The following LLGL2 variants were observed in gnomAD, a reference collection of about 807,000 sequenced individuals.
LLGL2 encodes LLGL scribble cell polarity complex component 2, also known as LLGL2, scribble cell polarity complex component.
LLGL2 carries 81 observed loss-of-function variants against 123.2 expected under a neutral mutation model. That is an observed-to-expected ratio of 0.66 (90% CI 0.55 to 0.79). LLGL2 has a LOEUF of 0.79. Ranked by LOEUF, LLGL2 falls within the 30% of genes least tolerant of loss-of-function variation. The probability of loss-of-function intolerance (pLI) is 0.00; values close to 1 mark genes in which losing one functional copy is unlikely to be tolerated. For synonymous variants in LLGL2, 577 were observed against 594.1 expected, an observed-to-expected ratio of 0.97 and a Z score of 0.42; for missense variants, 1,273 against 1,414.6, an observed-to-expected ratio of 0.90 and a Z score of 1.61.
rs1598573363 is a variant in LLGL2, at chr17:75,552,642, AAT to A, written c.76-3403_76-3402del. Among the ~76,000 whole-genome samples, 3 of 152,334 alleles carry A rather than the reference AAT, an allele frequency of 2.0e-5. No homozygotes were observed. In the East Asian group the frequency reaches 5.8e-4, roughly 29 times the overall value. On this transcript the variant is annotated intron_variant, in intron 2 of 25. Transcript: ENST00000392550. ...ACGGCACATCTCAGTTCAGACATTA[AAT>A]CTTTTTTGGAAGTACTAGATCTGTA...
At chr17:75,554,746 G>A (rs920071269) in intron 2 of LLGL2, among the ~76,000 whole-genome samples, 3 of 149,104 alleles carry the variant, frequency 2.0e-5, no homozygotes, top group South Asian at 2.1e-4. Flanking sequence ...AAAATTAGCC[G>A]GGCGTGGTGG....
chr17:75,530,604 C>T (rs1027778524), intron 1 of LLGL2, among the ~76,000 whole-genome samples: 14 of 148,886 alleles, frequency 9.4e-5, no homozygotes, highest in Non-Finnish European at 2.1e-4. Flanking sequence ...GAGCCGAGAT[C>T]GCGCCACTGC....
rs35452644 is a variant in LLGL2, at chr17:75,530,649, CAA to C, written c.-31+4840_-31+4841del. 8.2e-3 allele frequency among the ~76,000 whole-genome samples: 1,127 copies of C among 137,246 alleles called. 11 individuals carry two copies. The highest frequency in any genetic ancestry group is 0.026 in the South Asian group (113 of 4,380). The allele number at this position is 137,246 out of a possible 152,430, so 90.0% of individuals were successfully genotyped here. A position where few individuals can be genotyped will look rare whatever the true frequency, so the allele number is the denominator to read the frequency against. ...TGGGCGACAGAGCGAGACTCCATTT[CAA>C]AAAAAAAAAAAAAAATTAGCTGGGC... On this transcript the variant is annotated intron_variant, in intron 1 of 25. Coordinates refer to ENST00000392550, the MANE Select transcript of LLGL2 (RefSeq NM_001031803.2).
In LLGL2 at chr17:75,525,933, G is replaced by A. The variant is rs976766485; in HGVS notation, c.-31+108G>A. ...ACCCCTGGGCTGTCGGGCCAGGGCG[G>A]GAGGGCTGCGCCCAGGTCCGCGCGC... is the stretch of plus-strand genomic sequence containing the variant. On this transcript the variant is annotated intron_variant, in intron 1 of 25. Transcript: ENST00000392550. The surrounding 1 kb of genome is among the most constrained non-coding windows in gnomAD (Gnocchi z 4.8). 45 of 152,272 alleles carry A rather than the reference G, an allele frequency of 3.0e-4. No individual in the cohort carries two copies. Among genetic ancestry groups the A allele is most frequent in the African/African-American group, 1.1e-3 (44 of 41,558 alleles). The allele number at this position is 152,272 out of a possible 1,614,324, so 9.4% of individuals were successfully genotyped here.
chr17:75,570,920 C>G (rs1203924344), intron 16 of LLGL2, 30 bp from the exon 17 acceptor site: 1 of 1,581,700 alleles, frequency 6.3e-7, no homozygotes, highest in South Asian at 1.2e-5. Context: ...GAGTCCAGAG[C>G]TGACCCTTAG....
At chr17:75,568,887 G>A (rs77637305) in intron 12 of LLGL2, 48 bp downstream of exon 12, 126,006 of 1,563,366 alleles carry the variant, frequency 0.081, 5,376 homozygotes, top group Middle Eastern at 0.17. Flanking sequence ...GGATATGTGG[G>A]GTGGGAGCAG....
intron 24 of LLGL2, 21 bp from the exon 25 acceptor site, chr17:75,574,588 TC>T: frequency 6.2e-7 from 1 of 1,611,324 alleles, no homozygotes; most frequent in South Asian, 1.1e-5. Context: ...AGGCCATGAC[TC>T]CCCTGTCTTT....
chr17:75,554,888 CA>C (rs566780078), intron 2 of LLGL2, among the ~76,000 whole-genome samples: 312 of 131,906 alleles, frequency 2.4e-3, no homozygotes, highest in African/African-American at 5.8e-3. Flanking sequence ...GACTCCGTCT[CA>C]AAAAAAAAAA....
At chr17:75,529,500 C>T (rs112017789) in intron 1 of LLGL2, among the ~76,000 whole-genome samples, 62 of 152,146 alleles carry the variant, frequency 4.1e-4, no homozygotes, top group African/African-American at 1.4e-3. Context: ...CCACTGCACC[C>T]GGCCCCTGCC....
chr17:75,564,296 G>A lies in LLGL2; in HGVS notation c.882-57G>A. ...GTGGTGACTTTGATTGCCGGCCTGT[G>A]GCTGTTGAGGCTGTGCCAGGAGCCC... On this transcript the variant is annotated intron_variant, in intron 9 of 25. Transcript: ENST00000392550. The surrounding 1 kb of genome is among the most constrained non-coding windows in gnomAD (Gnocchi z 4.9). 2 of 1,553,188 alleles carry A rather than the reference G, an allele frequency of 1.3e-6. No individual in the cohort carries two copies. Among genetic ancestry groups the A allele is most frequent in the Admixed American group, 1.8e-5 (1 of 56,600 alleles).
At position 75,542,297 on chromosome 17, in the gene LLGL2, C is replaced by T. The variant is rs369146215; in HGVS notation, c.-30-1100C>T. ...TCGGGCCAGGTGTTCCCTCTCCCTC[C>T]TGCAGTCAAAGCACTCAACACTGGG... is the stretch of plus-strand genomic sequence containing the variant. On this transcript the variant is annotated intron_variant, in intron 1 of 25. Coordinates refer to ENST00000392550, the MANE Select transcript of LLGL2 (RefSeq NM_001031803.2). 3.3e-5 allele frequency among the ~76,000 whole-genome samples: 5 copies of T among 152,206 alleles called. No homozygotes were observed. The East Asian group carries it at 5.8e-4, about 18-fold the overall frequency.
At chr17:75,533,862 CA>C (rs2053903900) in intron 1 of LLGL2, among the ~76,000 whole-genome samples, 2 of 152,200 alleles carry the variant, frequency 1.3e-5, no homozygotes, top group African/African-American at 4.8e-5. Context: ...GGGCCTCTGC[CA>C]GAAGGTGACA....
chr17:75,573,319 C>A, intron 20 of LLGL2, 41 bp downstream of exon 20: 1 of 1,572,624 alleles, frequency 6.4e-7, no homozygotes, highest in Non-Finnish European at 8.7e-7. Flanking sequence ...GCCCCGGGCA[C>A]TGCACGGACG....
At chr17:75,535,199 A>AG (rs2053953612) in intron 1 of LLGL2, among the ~76,000 whole-genome samples, 1 of 152,212 alleles carries the variant, frequency 6.6e-6, no homozygotes, top group Non-Finnish European at 1.5e-5. Context: ...CCATCAGAGT[A>AG]GGAGGTGCAG....
At chr17:75,539,410 T>G (rs968569296) in intron 1 of LLGL2, among the ~76,000 whole-genome samples, 1 of 151,282 alleles carries the variant, frequency 6.6e-6, no homozygotes, top group African/African-American at 2.5e-5. Flanking sequence ...AAAATGTCCT[T>G]TCCTTTTTTT....
intron 2 of LLGL2, among the ~76,000 whole-genome samples, chr17:75,550,692 G>T (rs552673408): frequency 1.7e-4 from 26 of 149,562 alleles, no homozygotes; most frequent in African/African-American, 6.4e-4. Flanking sequence ...GACTCAGGTG[G>T]ATCACTTGAG....
At chr17:75,530,214 AG>A (rs2053724891) in intron 1 of LLGL2, among the ~76,000 whole-genome samples, 1 of 152,170 alleles carries the variant, frequency 6.6e-6, no homozygotes, top group South Asian at 2.1e-4. Flanking sequence ...GATATTTTAA[AG>A]TCTCTGGCTG....
At chr17:75,550,700 G>C (rs771538343) in intron 2 of LLGL2, among the ~76,000 whole-genome samples, 2 of 148,996 alleles carry the variant, frequency 1.3e-5, no homozygotes, top group African/African-American at 2.5e-5. Context: ...TGGATCACTT[G>C]AGCCCGGGAG....
At chr17:75,568,322 G>A in intron 10 of LLGL2, 154 bp from the exon 11 acceptor site, 2 of 1,441,026 alleles carry the variant, frequency 1.4e-6, no homozygotes, top group East Asian at 2.5e-5. Flanking sequence ...CACACCTGCT[G>A]CCCTCCTGGA....
Sources: allele counts gnomAD v4.1 joint callset (sites outside exome capture counted in the v4.1 genomes callset), GRCh38; gene constraint gnomAD v4.1.1; non-coding constraint Gnocchi (gnomAD v3.1); transcripts MANE v1.5; gene names NCBI Gene and HGNC (gene_info 2026-07-23, HGNC 2026-07-21).